RBFOX1: variants seen among roughly 807,000 people sequenced by gnomAD.
The protein encoded by RBFOX1 is RNA binding fox-1 homolog 1.
In RBFOX1, 8 loss-of-function variants were observed where a neutral mutation model predicts 57.7. The ratio of observed to expected loss-of-function variants is 0.14; its 90% CI spans 0.08 to 0.25. RBFOX1 has a LOEUF of 0.25. RBFOX1 is among the 10% of genes least tolerant of loss of function. The probability of loss-of-function intolerance (pLI) is 1.00; values close to 1 mark genes in which losing one functional copy is unlikely to be tolerated. For synonymous variants in RBFOX1, 326 were observed against 222.4 expected, an observed-to-expected ratio of 1.47 and a Z score of -4.15; for missense variants, 611 against 548.5, an observed-to-expected ratio of 1.11 and a Z score of -1.14.
chr16:5,983,839 C>A (rs2060222372), intron 4 of RBFOX1, among the ~76,000 whole-genome samples: 1 of 147,792 alleles, frequency 6.8e-6, no homozygotes, highest in Admixed American at 6.7e-5. Flanking sequence ...TCTTCCCTCC[C>A]TCCCTCCCTC....
chr16:6,609,891 C>A (rs769556014), intron 2 of RBFOX1, among the ~76,000 whole-genome samples: 1 of 151,966 alleles, frequency 6.6e-6, no homozygotes, highest in Non-Finnish European at 1.5e-5. Context: ...ACCTGTAGTC[C>A]CAGCTACTTG....
rs566153208 is a variant in RBFOX1 at position 6,842,834 on chromosome 16, CT to C, written c.-16+188185del. 1.1e-4 allele frequency among the ~76,000 whole-genome samples: 16 copies of C among 152,102 alleles called. 1 individual carries two copies. The South Asian group carries it at 2.9e-3, about 28-fold the overall frequency. On this transcript the variant is annotated intron_variant, in intron 3 of 15. Coordinates refer to ENST00000550418, the MANE Select transcript of RBFOX1 (RefSeq NM_018723.4). ...TCTCCCTCCATGTTCCCCCAACCCC[CT>C]GACAGGCCCCGGTGTGTGATGTTCC...
At position 5,999,733 on chromosome 16, in the gene RBFOX1, C is replaced by T. The variant is rs920565994; in HGVS notation, c.351+132398C>T. Reference sequence around the variant, plus strand: ...AAAATTAGCCGGGCTTGGTGGCGGGCGCCTGTAGTCCCAGCTACTTGGGAG... The same window carrying T: ...AAAATTAGCCGGGCTTGGTGGCGGGTGCCTGTAGTCCCAGCTACTTGGGAG... On this transcript the variant is annotated intron_variant, in intron 4 of 19. Transcript: ENST00000641259. 5.9e-5 allele frequency among the ~76,000 whole-genome samples: 9 copies of T among 151,734 alleles called. 1 individual carries two copies. The highest frequency in any genetic ancestry group is 2.0e-4 in the East Asian group (1 of 5,124).
intron 4 of RBFOX1, among the ~76,000 whole-genome samples, chr16:7,067,663 C>G (rs1486601812): frequency 6.6e-6 from 1 of 150,558 alleles, no homozygotes; most frequent in Non-Finnish European, 1.5e-5. Context: ...TTAGGTATAT[C>G]TCCCAAAGCT....
intron 3 of RBFOX1, among the ~76,000 whole-genome samples, chr16:5,770,492 T>G (rs1597181240): frequency 6.6e-6 from 1 of 152,192 alleles, no homozygotes. Flanking sequence ...CACCCCTTGT[T>G]TAGCATATAA....
intron 4 of RBFOX1, among the ~76,000 whole-genome samples, chr16:5,868,128 C>G (rs1462717762): frequency 6.6e-6 from 1 of 152,156 alleles, no homozygotes; most frequent in South Asian, 2.1e-4. Flanking sequence ...GGTGACCACC[C>G]ATTGGAAATT....
At chr16:7,318,686 A>G (rs539764812) in intron 4 of RBFOX1, among the ~76,000 whole-genome samples, 5 of 152,310 alleles carry the variant, frequency 3.3e-5, no homozygotes, top group Non-Finnish European at 5.9e-5. Context: ...TTTAACAAAA[A>G]GGTACCTAGT....
chr16:6,143,959 C>CCACATATATATA (rs71404590), intron 1 of RBFOX1, among the ~76,000 whole-genome samples: 5 of 139,952 alleles, frequency 3.6e-5, no homozygotes, highest in African/African-American at 1.4e-4. Flanking sequence ...CCATACTCAG[C>CCACATATATATA]TATATATATA....
intron 5 of RBFOX1, among the ~76,000 whole-genome samples, chr16:7,565,950 A>G (rs531781359): frequency 2.3e-4 from 35 of 152,214 alleles, no homozygotes; most frequent in Admixed American, 9.8e-4. Flanking sequence ...TCGTGGATGA[A>G]GCAGCAGCTG....
intron 2 of RBFOX1, among the ~76,000 whole-genome samples, chr16:6,641,352 C>T (rs939757690): frequency 1.3e-5 from 2 of 152,158 alleles, no homozygotes; most frequent in Non-Finnish European, 2.9e-5. Context: ...ACGCTGACAT[C>T]TGTCATTTTC....
At chr16:5,926,117 A>G (rs928936684) in intron 4 of RBFOX1, among the ~76,000 whole-genome samples, 5 of 152,200 alleles carry the variant, frequency 3.3e-5, no homozygotes, top group Admixed American at 6.5e-5. Context: ...CCATTCAAAG[A>G]CATATTGTTA....
intron 3 of RBFOX1, among the ~76,000 whole-genome samples, chr16:6,699,123 C>A (rs987292790): frequency 6.6e-6 from 1 of 152,092 alleles, no homozygotes; most frequent in Admixed American, 6.5e-5. Flanking sequence ...TAAGAAACAG[C>A]GTCTTCAACC....
chr16:5,410,063 A>AT (rs983492719), intron 1 of RBFOX1, among the ~76,000 whole-genome samples: 2 of 132,390 alleles, frequency 1.5e-5, no homozygotes, highest in African/African-American at 5.9e-5. Flanking sequence ...AAAAAAAAAA[A>AT]AAATAATAAT....
intron 14 of RBFOX1, among the ~76,000 whole-genome samples, chr16:7,680,543 C>A (rs1172863044): frequency 2.0e-5 from 3 of 152,176 alleles, no homozygotes; most frequent in Non-Finnish European, 4.4e-5. Context: ...AGTCCAATTA[C>A]ACTGATAGTT....
intron 2 of RBFOX1, among the ~76,000 whole-genome samples, chr16:6,373,343 T>C (rs1600251028): frequency 1.3e-5 from 2 of 150,686 alleles, no homozygotes; most frequent in African/African-American, 4.9e-5. Flanking sequence ...GGAATGGAGA[T>C]TCGGCGGAAG....
intron 4 of RBFOX1, among the ~76,000 whole-genome samples, chr16:7,344,546 A>G (rs2096958301): frequency 6.6e-6 from 1 of 151,260 alleles, no homozygotes; most frequent in Admixed American, 6.6e-5. Flanking sequence ...GTAATACTGT[A>G]TAATAGTTAC....
At chr16:7,061,895 C>G (rs953760592) in intron 4 of RBFOX1, among the ~76,000 whole-genome samples, 1 of 152,008 alleles carries the variant, frequency 6.6e-6, no homozygotes, top group African/African-American at 2.4e-5. Context: ...GGGCAGGAAG[C>G]AAATAAATAG....
intron 14 of RBFOX1, among the ~76,000 whole-genome samples, chr16:7,702,089 G>C (rs1317001025): frequency 6.6e-6 from 1 of 152,090 alleles, no homozygotes; most frequent in Non-Finnish European, 1.5e-5. Context: ...TTAAAATCTT[G>C]GCCATAATTA....
At chr16:5,674,267 A>T (rs1243032129) in intron 3 of RBFOX1, among the ~76,000 whole-genome samples, 1 of 152,230 alleles carries the variant, frequency 6.6e-6, no homozygotes, top group African/African-American at 2.4e-5. Flanking sequence ...AACCTGATTT[A>T]GGGTTCAGAG....
Sources: allele counts gnomAD v4.1 joint callset (sites outside exome capture counted in the v4.1 genomes callset), GRCh38; gene constraint gnomAD v4.1.1; transcripts MANE v1.5; gene names NCBI Gene and HGNC (gene_info 2026-07-23, HGNC 2026-07-21).